The following PRKCB variants were observed in gnomAD, a reference collection of about 807,000 sequenced individuals.
PRKCB encodes protein kinase C beta type.
In PRKCB, 13 loss-of-function variants were observed where a neutral mutation model predicts 81.5. The ratio of observed to expected loss-of-function variants is 0.16; its 90% CI spans 0.10 to 0.25. PRKCB has a LOEUF of 0.25. Among genes scored for constraint, PRKCB ranks in the 10% least tolerant of loss-of-function variants. PRKCB has a pLI of 1.00. For synonymous variants in PRKCB, 335 were observed against 321.4 expected, an observed-to-expected ratio of 1.04 and a Z score of -0.45; for missense variants, 509 against 875.7, an observed-to-expected ratio of 0.58 and a Z score of 5.29.
intron 14 of PRKCB, 105 bp from the exon 15 acceptor site, chr16:24,185,355 G>A (rs1967686935): frequency 8.1e-7 from 1 of 1,235,030 alleles, no homozygotes; most frequent in Non-Finnish European, 1.2e-6. Context: ...GCCTGGGTGT[G>A]TGGCTTCACT....
At chr16:24,061,974 G>C (rs12933115) in intron 5 of PRKCB, among the ~76,000 whole-genome samples, 1 of 147,692 alleles carries the variant, frequency 6.8e-6, no homozygotes, top group Non-Finnish European at 1.5e-5. Context: ...ATGTTGTTGA[G>C]AAAACTCTGT....
intron 3 of PRKCB, among the ~76,000 whole-genome samples, chr16:24,028,270 A>G (rs965413210): frequency 6.6e-6 from 1 of 152,038 alleles, no homozygotes; most frequent in Non-Finnish European, 1.5e-5. Flanking sequence ...TGTATTTTAA[A>G]TAGAGACAGG....
At position 24,218,104 on chromosome 16, in the gene PRKCB, A is replaced by G. The variant is rs1196541744; in HGVS notation, c.*3288A>G. 1 of 985,308 alleles carries G rather than the reference A, an allele frequency of 1.0e-6. No individual in the cohort carries two copies. Among genetic ancestry groups the G allele is most frequent in the African/African-American group, 1.7e-5 (1 of 57,238 alleles). The allele number at this position is 985,308 out of a possible 1,614,324, so 61.0% of individuals were successfully genotyped here. ...ACTGGAAATACACTAGTGAAGAAGC[A>G]GATGAGGACCCTGTTTATTGTTTCT... On this transcript the variant is annotated 3_prime_UTR_variant, in exon 17 of 17. Coordinates refer to ENST00000643927, the MANE Select transcript of PRKCB (RefSeq NM_002738.7).
At chr16:24,130,692 G>T (rs898740922) in intron 9 of PRKCB, among the ~76,000 whole-genome samples, 2 of 152,136 alleles carry the variant, frequency 1.3e-5, no homozygotes, top group Non-Finnish European at 1.5e-5. Flanking sequence ...GGTGTCTTTC[G>T]TCCTGTATGG....
intron 2 of PRKCB, among the ~76,000 whole-genome samples, chr16:23,905,294 A>G (rs1963542145): frequency 6.6e-6 from 1 of 152,066 alleles, no homozygotes; most frequent in African/African-American, 2.4e-5. Flanking sequence ...ATAAATAACA[A>G]CACAAGCAGT....
At chr16:24,064,521 C>T (rs1014042912) in intron 5 of PRKCB, among the ~76,000 whole-genome samples, 3 of 152,104 alleles carry the variant, frequency 2.0e-5, no homozygotes, top group Admixed American at 2.0e-4. Context: ...GGTAAATATT[C>T]CATGTGCACT....
chr16:24,052,539 G>A (rs1480855055), intron 5 of PRKCB, among the ~76,000 whole-genome samples: 1 of 152,282 alleles, frequency 6.6e-6, no homozygotes, highest in South Asian at 2.1e-4. Context: ...CTAAAAAAGG[G>A]GTGGATTTTT....
At chr16:23,887,442 T>C (rs1963221229) in intron 2 of PRKCB, among the ~76,000 whole-genome samples, 1 of 152,144 alleles carries the variant, frequency 6.6e-6, no homozygotes, top group Non-Finnish European at 1.5e-5. Flanking sequence ...TGAGAACATG[T>C]GGTATTTGGT....
chr16:23,944,688 TG>T (rs891508436), intron 2 of PRKCB, among the ~76,000 whole-genome samples: 8 of 152,288 alleles, frequency 5.3e-5, no homozygotes, highest in Admixed American at 3.3e-4. Flanking sequence ...TTTGGGTGGC[TG>T]GAAAAACCTC....
At chr16:24,021,126 TTTCCTTCC>T (rs1176555968) in intron 3 of PRKCB, among the ~76,000 whole-genome samples, 2 of 146,674 alleles carry the variant, frequency 1.4e-5, no homozygotes, top group Admixed American at 6.8e-5. Flanking sequence ...TCTTTCTTTC[TTTCCTTCC>T]TTCCTTCCTT....
intron 9 of PRKCB, among the ~76,000 whole-genome samples, chr16:24,134,848 G>A (rs1966859735): frequency 6.6e-6 from 1 of 151,880 alleles, no homozygotes; most frequent in African/African-American, 2.4e-5. Context: ...GGAGTTCGAG[G>A]CTGAAGTGGC....
chr16:23,947,311 G>A (rs1964215866), intron 2 of PRKCB, among the ~76,000 whole-genome samples: 1 of 152,222 alleles, frequency 6.6e-6, no homozygotes, highest in Admixed American at 6.5e-5. Flanking sequence ...CTTTGGAGCA[G>A]CTGCTCAGCC....
intron 5 of PRKCB, among the ~76,000 whole-genome samples, chr16:24,072,046 T>G (rs1369878291): frequency 1.6e-5 from 2 of 127,384 alleles, no homozygotes; most frequent in Non-Finnish European, 1.6e-5. Context: ...CACCCCCGCC[T>G]TTTGTTTTTA....
chr16:24,200,511 T>C (rs1262643517), intron 16 of PRKCB, among the ~76,000 whole-genome samples: 1 of 152,178 alleles, frequency 6.6e-6, no homozygotes, highest in Non-Finnish European at 1.5e-5. Context: ...TGTGTTGCTA[T>C]GACTGAATAC....
intron 2 of PRKCB, among the ~76,000 whole-genome samples, chr16:23,852,213 CA>C (rs774748009): frequency 5.3e-5 from 8 of 152,184 alleles, no homozygotes; most frequent in Non-Finnish European, 1.0e-4. Flanking sequence ...TTCAACTTTT[CA>C]GTGCTGAGAA....
In PRKCB at chr16:23,887,530, A is replaced by AT. The variant is rs368411239; in HGVS notation, c.205+50132dup. Among the ~76,000 whole-genome samples, 152 of 152,174 alleles carry AT rather than the reference A, an allele frequency of 1.0e-3. 3 individuals are homozygous for AT. Among genetic ancestry groups the AT allele is most frequent in the South Asian group, 4.4e-3 (21 of 4,818 alleles). On this transcript the variant is annotated intron_variant, in intron 2 of 16. Coordinates refer to ENST00000643927, the MANE Select transcript of PRKCB (RefSeq NM_002738.7). ...ATGTTGCTGCAAAGGACATGATTTCATTTTTTTTATGGCTGTGTAGTATTC... is the reference window on the plus strand; with the variant it reads ...ATGTTGCTGCAAAGGACATGATTTCATTTTTTTTTATGGCTGTGTAGTATTC...
intron 2 of PRKCB, among the ~76,000 whole-genome samples, chr16:23,898,903 G>A (rs954887978): frequency 1.3e-5 from 2 of 152,148 alleles, no homozygotes; most frequent in African/African-American, 2.4e-5. Context: ...GATAGTGATC[G>A]TGTATACTTC....
At chr16:24,086,619 A>T (rs1966313888) in intron 5 of PRKCB, among the ~76,000 whole-genome samples, 1 of 152,220 alleles carries the variant, frequency 6.6e-6, no homozygotes, top group Non-Finnish European at 1.5e-5. Context: ...ATTCTTGGAA[A>T]CTGTAAAAGC....
Position 24,215,759 on chromosome 16 carries a change from C to T in PRKCB, c.*943C>T. 1 of 985,802 alleles carries T rather than the reference C, an allele frequency of 1.0e-6. No individual in the cohort carries two copies. Among genetic ancestry groups the T allele is most frequent in the Non-Finnish European group, 1.2e-6 (1 of 829,932 alleles). 61.1% of individuals were successfully genotyped at this position (985,802 alleles called of 1,614,324 possible). A position where few individuals can be genotyped will look rare whatever the true frequency, so the allele number is the denominator to read the frequency against. ...TGCTTTGATTTAACCAAGAAGACGG[C>T]TGCGGAGCCTAGCAGACTCAGGCCT... On this transcript the variant is annotated 3_prime_UTR_variant, in exon 17 of 17. Coordinates refer to ENST00000643927, the MANE Select transcript of PRKCB (RefSeq NM_002738.7).
Sources: gnomAD v4.1 joint callset for allele counts (sites outside exome capture counted in the v4.1 genomes callset) on GRCh38, gnomAD v4.1.1 for gene constraint, MANE v1.5 for transcripts, NCBI Gene and HGNC (gene_info 2026-07-23, HGNC 2026-07-21) for gene names.